The following VEZT variants were observed in gnomAD, a reference collection of about 807,000 sequenced individuals.
VEZT encodes the protein vezatin.
Under a neutral mutation model 79.9 loss-of-function variants are expected in VEZT, and 39 were observed. The observed-to-expected ratio is 0.49, with a 90% CI of 0.38 to 0.64. The LOEUF (loss-of-function observed/expected upper bound fraction) is 0.64. VEZT is among the 30% of genes least tolerant of loss of function. The pLI, the probability that VEZT is intolerant of heterozygous loss-of-function variation, is 0.00. For synonymous variants in VEZT, 325 were observed against 327.6 expected, an observed-to-expected ratio of 0.99 and a Z score of 0.09; for missense variants, 837 against 893.1, an observed-to-expected ratio of 0.94 and a Z score of 0.80.
rs1336687726 is a variant in VEZT at position 95,251,927 on chromosome 12, G to A, written c.37-13G>A. 2 of 1,597,750 alleles carry A rather than the reference G, an allele frequency of 1.3e-6. No homozygotes were observed. Among genetic ancestry groups the A allele is most frequent in the African/African-American group, 1.4e-5 (1 of 73,812 alleles). On this transcript the variant is annotated splice_polypyrimidine_tract_variant and intron_variant, in intron 1 of 11. Transcript: ENST00000436874. Reference sequence around the variant, plus strand: ...ATGATCTTGAAATTTGCTTTATTTTGTGTCTTTTTCAGAATTCTCCACTTT... The same window carrying A: ...ATGATCTTGAAATTTGCTTTATTTTATGTCTTTTTCAGAATTCTCCACTTT...
intron 1 of VEZT, among the ~76,000 whole-genome samples, chr12:95,240,073 G>GAAGGAAGAAAGAAAGA (rs1491323550): frequency 1.0e-5 from 1 of 98,902 alleles, no homozygotes; most frequent in Non-Finnish European, 2.3e-5. Flanking sequence ...AGGAAGGAAG[G>GAAGGAAGAAAGAAAGA]AAGAAAAGAA....
intron 1 of VEZT, among the ~76,000 whole-genome samples, chr12:95,228,604 G>C (rs78138205): frequency 0.11 from 17,180 of 152,000 alleles, 1,263 homozygotes; most frequent in East Asian, 0.16. Flanking sequence ...TAGTAGCTGA[G>C]ATTAGAAGTA....
In VEZT at chr12:95,282,602, C is replaced by T. The variant is rs1474595115; in HGVS notation, c.1286C>T (p.Ala429Val). ...KSRELNNVHT[A>V]VRSLQLHLKA... The stretch of plus-strand genomic sequence containing the variant: ...AGAGAACTGAATAATGTTCACACAG[C>T]AGTGCGTAGCTTGCAGCTCCATCTG... Residue 429 changes from alanine (A) to valine (V), a missense_variant, in exon 8 of 12, where the codon GCA becomes GTA. Coordinates refer to ENST00000436874, the MANE Select transcript of VEZT (RefSeq NM_017599.4). 4 of 1,610,996 alleles carry T rather than the reference C, an allele frequency of 2.5e-6. No homozygotes were observed. Among genetic ancestry groups the T allele is most frequent in the Non-Finnish European group, 3.4e-6 (4 of 1,177,768 alleles).
intron 11 of VEZT, chr12:95,299,717 C>T (rs2074929180): frequency 6.6e-6 from 1 of 152,430 alleles, no homozygotes; most frequent in Non-Finnish European, 1.5e-5. Context: ...TTCCCTAATA[C>T]AATGGTTCTC....
At chr12:95,240,742 C>G (rs2060898052) in intron 1 of VEZT, among the ~76,000 whole-genome samples, 1 of 152,146 alleles carries the variant, frequency 6.6e-6, no homozygotes, top group Non-Finnish European at 1.5e-5. Context: ...CATGGAAAAA[C>G]AGCTAATTTT....
At chr12:95,294,086 C>T in intron 9 of VEZT, 186 bp from the exon 10 acceptor site, 1 of 499,908 alleles carries the variant, frequency 2.0e-6, no homozygotes, top group Non-Finnish European at 3.6e-6. Flanking sequence ...GCGACAGAGT[C>T]TTTGTTTCCA....
At chr12:95,240,027 A>C in intron 1 of VEZT, among the ~76,000 whole-genome samples, 1 of 48,318 alleles carries the variant, frequency 2.1e-5, no homozygotes, top group South Asian at 5.6e-4. Flanking sequence ...AAAGAAAGGA[A>C]GGAAGGAAGG....
intron 7 of VEZT, among the ~76,000 whole-genome samples, chr12:95,279,714 C>A (rs1366144000): frequency 6.6e-6 from 1 of 152,152 alleles, no homozygotes; most frequent in Non-Finnish European, 1.5e-5. Flanking sequence ...ACCCTAGCCT[C>A]CCAAGTAGCT....
At chr12:95,277,159 G>T (rs1457867621) in intron 7 of VEZT, among the ~76,000 whole-genome samples, 1 of 150,782 alleles carries the variant, frequency 6.6e-6, no homozygotes, top group African/African-American at 2.5e-5. Context: ...CCTTTTTAAT[G>T]ATTTATCCTT....
intron 5 of VEZT, chr12:95,269,805 T>C: frequency 3.0e-6 from 1 of 333,218 alleles, no homozygotes; most frequent in South Asian, 6.2e-5. Flanking sequence ...AAGCCTTTGC[T>C]CTTTGAGATG....
rs910424423 is a variant in VEZT at position 95,266,591 on chromosome 12, T to C, written c.669T>C (p.Arg223=). Residue 223 remains arginine, a synonymous_variant, in exon 5 of 12, where the codon CGT becomes CGC. Transcript: ENST00000436874. ...CTAACCTCGTGAGAAAAGCTTTACG[T>C]CTCATTCAAGAAACCGAAGTGATTT... is the stretch of plus-strand genomic sequence containing the variant. ...AFTNLVRKAL[R]LIQETEVISR... is the part of the protein sequence containing the mutation. 6.2e-7 allele frequency: 1 copy of C among 1,613,258 alleles called. No homozygotes were observed. Among genetic ancestry groups the C allele is most frequent in the Non-Finnish European group, 8.5e-7 (1 of 1,179,730 alleles).
chr12:95,300,036 A>T (rs1043648117), intron 11 of VEZT, 129 bp from the exon 12 acceptor site: 1 of 518,294 alleles, frequency 1.9e-6, no homozygotes, highest in Non-Finnish European at 3.1e-6. Flanking sequence ...ATTTTACTAG[A>T]AAGTTTTATT....
chr12:95,299,208 C>T (rs1295854910), intron 11 of VEZT: 2 of 154,822 alleles, frequency 1.3e-5, no homozygotes, highest in East Asian at 3.9e-4. Flanking sequence ...AGGGATGGTT[C>T]CTGGAAGTGG....
intron 11 of VEZT, 131 bp from the exon 12 acceptor site, chr12:95,300,034 A>G: frequency 2.0e-6 from 1 of 509,544 alleles, no homozygotes; most frequent in Non-Finnish European, 3.1e-6. Flanking sequence ...TGATTTTACT[A>G]GAAAGTTTTA....
At chr12:95,260,355 C>T (rs1203788446) in intron 3 of VEZT, among the ~76,000 whole-genome samples, 1 of 152,094 alleles carries the variant, frequency 6.6e-6, no homozygotes, top group African/African-American at 2.4e-5. Flanking sequence ...ATCTGCCCGC[C>T]TTAGCCTCCC....
At chr12:95,288,905 C>A (rs11107962) in intron 9 of VEZT, among the ~76,000 whole-genome samples, 15,720 of 151,544 alleles carry the variant, frequency 0.1, 913 homozygotes, top group African/African-American at 0.15. Context: ...ACTCAGAAGA[C>A]CTTTGGTTGT....
chr12:95,250,208 C>A, intron 1 of VEZT, among the ~76,000 whole-genome samples: 1 of 107,916 alleles, frequency 9.3e-6, no homozygotes, highest in Non-Finnish European at 1.8e-5. Flanking sequence ...AATGCTATCC[C>A]TCCCCCCTCC....
chr12:95,283,992 A>G (rs571142464), intron 8 of VEZT, among the ~76,000 whole-genome samples: 2 of 152,340 alleles, frequency 1.3e-5, no homozygotes, highest in African/African-American at 4.8e-5. Context: ...TTGGCAATAG[A>G]ATCAGAAATA....
intron 9 of VEZT, among the ~76,000 whole-genome samples, chr12:95,291,209 T>G (rs1335357441): frequency 6.6e-6 from 1 of 152,164 alleles, no homozygotes; most frequent in Non-Finnish European, 1.5e-5. Context: ...CCATCCTTGG[T>G]GACACAGTGA....
Sources: gnomAD v4.1 joint callset for allele counts (sites outside exome capture counted in the v4.1 genomes callset) on GRCh38, gnomAD v4.1.1 for gene constraint, MANE v1.5 for transcripts, NCBI Gene and HGNC (gene_info 2026-07-23, HGNC 2026-07-21) for gene names.